The following GK5 variants were observed in gnomAD, a reference collection of about 807,000 sequenced individuals.
GK5 encodes glycerol kinase 5.
In GK5, 39 loss-of-function variants were observed where a neutral mutation model predicts 77.3. The ratio of observed to expected loss-of-function variants is 0.50; its 90% CI spans 0.39 to 0.66. GK5 has a LOEUF of 0.66. Among genes scored for constraint, GK5 ranks in the 30% least tolerant of loss-of-function variants. The pLI, the probability that GK5 is intolerant of heterozygous loss-of-function variation, is 0.00. For synonymous variants in GK5, 211 were observed against 208.0 expected, an observed-to-expected ratio of 1.01 and a Z score of -0.13; for missense variants, 487 against 633.8, an observed-to-expected ratio of 0.77 and a Z score of 2.49.
intron 6 of GK5, 90 bp from the exon 7 acceptor site, chr3:142,186,603 T>G: frequency 2.3e-6 from 1 of 435,668 alleles, no homozygotes. Flanking sequence ...TTGTCTACCC[T>G]CAAATTCATT....
rs527337279 is a variant in GK5 at position 142,165,539 on chromosome 3, G to A, written c.*83C>T. On this transcript the variant is annotated 3_prime_UTR_variant, in exon 16 of 16. Coordinates refer to ENST00000392993, the MANE Select transcript of GK5 (RefSeq NM_001039547.3). The stretch of plus-strand genomic sequence containing the variant: ...TTAAAATTTTCTCCTCTTAGTCATT[G>A]TCATATGGGTTATCCCTGAGCTTCA... The A allele has an allele frequency of 5.0e-6, 5 of 992,900 alleles. No homozygotes were observed. Among genetic ancestry groups the A allele is most frequent in the Non-Finnish European group, 7.1e-6 (5 of 706,208 alleles). The allele number at this position is 992,900 out of a possible 1,614,324, so 61.5% of individuals were successfully genotyped here.
At chr3:142,184,247 T>G (rs112555793) in intron 9 of GK5, among the ~76,000 whole-genome samples, 1 of 95,062 alleles carries the variant, frequency 1.1e-5, no homozygotes, top group African/African-American at 5.2e-5. Flanking sequence ...GGCGACAGAG[T>G]GAGACTCTGT....
intron 5 of GK5, among the ~76,000 whole-genome samples, chr3:142,189,525 T>C (rs1577124643): frequency 6.6e-6 from 1 of 152,224 alleles, no homozygotes; most frequent in African/African-American, 2.4e-5. Flanking sequence ...AGTTAACCTG[T>C]ATTTCAGTGA....
At position 142,181,551 on chromosome 3, in the gene GK5, T is replaced by C; in HGVS notation, c.958A>G (p.Ile320Val). The C allele has an allele frequency of 6.2e-7, 1 of 1,611,850 alleles. No homozygotes were observed. Among genetic ancestry groups the C allele is most frequent in the Non-Finnish European group, 8.5e-7 (1 of 1,178,338 alleles). The change falls in exon 11 of 16, where the codon ATT becomes GTT. Residue 320 changes from isoleucine (I) to valine (V), a missense_variant. Coordinates refer to ENST00000392993, the MANE Select transcript of GK5 (RefSeq NM_001039547.3). ...QQTTGGFYPL[I>V]GWKIGQEVVC... ...ACTTCTTGCCCAATCTTCCACCCAATTAATGGATAAAAGCCTTGCAAAACA... is the reference window on the plus strand; with the variant it reads ...ACTTCTTGCCCAATCTTCCACCCAACTAATGGATAAAAGCCTTGCAAAACA...
At chr3:142,172,200 CAAG>C (rs1284260051) in intron 13 of GK5, among the ~76,000 whole-genome samples, 150 bp downstream of exon 13, 1 of 151,696 alleles carries the variant, frequency 6.6e-6, no homozygotes, top group Non-Finnish European at 1.5e-5. Context: ...TGGAAATTAG[CAAG>C]AAGAACATAT....
At chr3:142,166,694 C>T (rs552500849) in intron 15 of GK5, among the ~76,000 whole-genome samples, 7 of 152,252 alleles carry the variant, frequency 4.6e-5, no homozygotes, top group African/African-American at 1.7e-4. Flanking sequence ...CCACCACGCC[C>T]GGCTAATTTT....
chr3:142,186,228 G>T lies in GK5; in HGVS notation c.721C>A (p.Pro241Thr). ...SGMITSLISI[P>T]LSLLPPVRDT... Reference sequence around the variant, plus strand: ...CTCACAGGAGGTAGGAGAGAAAGTGGTATCGAAATTAGAGAGGTAATCATC... The same window carrying T: ...CTCACAGGAGGTAGGAGAGAAAGTGTTATCGAAATTAGAGAGGTAATCATC... The change falls in exon 8 of 16, where the codon CCA becomes ACA. Residue 241 changes from proline (P) to threonine (T), a missense_variant. Pro to Thr is a conservative substitution (Grantham distance 38, BLOSUM62 -1). This residue lies in a region of GK5 where 323 missense variants were observed against 437.4 expected (regional missense o/e 0.74). Transcript: ENST00000392993. 1 of 1,605,390 alleles carries T rather than the reference G, an allele frequency of 6.2e-7. No homozygotes were observed. Among genetic ancestry groups the T allele is most frequent in the Non-Finnish European group, 8.5e-7 (1 of 1,172,258 alleles).
intron 1 of GK5, among the ~76,000 whole-genome samples, chr3:142,217,428 A>G (rs1335968930): frequency 1.3e-5 from 2 of 152,204 alleles, no homozygotes; most frequent in Admixed American, 1.3e-4. Flanking sequence ...GGGAGATAGA[A>G]GAAAATTAAT....
At chr3:142,165,864 A>C in intron 15 of GK5, 94 bp from the exon 16 acceptor site, 1 of 726,796 alleles carries the variant, frequency 1.4e-6, no homozygotes, top group Non-Finnish European at 2.1e-6. Context: ...GTAGAAAGGT[A>C]AACAAAAACT....
At chr3:142,182,071 G>C (rs895812275) in intron 10 of GK5, among the ~76,000 whole-genome samples, 3 of 152,112 alleles carry the variant, frequency 2.0e-5, no homozygotes, top group Admixed American at 6.5e-5. Flanking sequence ...CTAGTTAGGG[G>C]AAAAAGAAGA....
intron 4 of GK5, among the ~76,000 whole-genome samples, chr3:142,199,538 T>C (rs2063986870): frequency 6.6e-6 from 1 of 152,158 alleles, no homozygotes; most frequent in African/African-American, 2.4e-5. Context: ...CAACGAAGGA[T>C]GAGCTCTTAT....
intron 1 of GK5, among the ~76,000 whole-genome samples, chr3:142,224,121 C>T (rs1284602992): frequency 3.9e-5 from 6 of 152,144 alleles, no homozygotes; most frequent in African/African-American, 7.2e-5. Context: ...AACACCATAA[C>T]AGGCTGGCTG....
At chr3:142,191,537 A>G (rs1192141218) in intron 5 of GK5, among the ~76,000 whole-genome samples, 2 of 151,908 alleles carry the variant, frequency 1.3e-5, no homozygotes, top group African/African-American at 4.8e-5. Flanking sequence ...CTCTATCTCT[A>G]TTAAAAGTGA....
intron 12 of GK5, among the ~76,000 whole-genome samples, chr3:142,176,658 A>ATTTT (rs1219207632): frequency 1.5e-4 from 16 of 105,186 alleles, no homozygotes; most frequent in South Asian, 3.1e-4. Context: ...GGAGATTTTG[A>ATTTT]TTTTTTTTTT....
intron 3 of GK5, among the ~76,000 whole-genome samples, chr3:142,211,168 T>C (rs1203230656): frequency 1.3e-5 from 2 of 152,176 alleles, no homozygotes; most frequent in Non-Finnish European, 2.9e-5. Flanking sequence ...TTTTGAGACA[T>C]TTATGGTTGG....
intron 1 of GK5, among the ~76,000 whole-genome samples, chr3:142,222,176 G>C (rs376559580): frequency 1.3e-5 from 2 of 152,112 alleles, no homozygotes; most frequent in African/African-American, 2.4e-5. Flanking sequence ...AATAAACCAG[G>C]TACTAAGCAG....
intron 15 of GK5, among the ~76,000 whole-genome samples, chr3:142,167,611 A>T (rs2063487952): frequency 6.6e-6 from 1 of 152,230 alleles, no homozygotes; most frequent in African/African-American, 2.4e-5. Context: ...AATTTATAAA[A>T]TACAGAGGAT....
In GK5 at chr3:142,225,317, CG is replaced by C. The variant is rs1292961734; in HGVS notation, c.138del (p.Ser46ArgfsTer5). Reference protein sequence around the residue: ...YDRAARVCGSSVQKVENLYPQ... With the variant: ...YDRAARVCGSXVQKVENLYPQ... Reference sequence around the variant, plus strand: ...GCCCGCCCCCAAGTCACCTTCTGCACGCTGGAGCCGCAGACCCGCGCCGCCC... The same window carrying C: ...GCCCGCCCCCAAGTCACCTTCTGCACCTGGAGCCGCAGACCCGCGCCGCCC... On this transcript the variant is annotated frameshift_variant, in exon 1 of 16. Coordinates refer to ENST00000392993, the MANE Select transcript of GK5 (RefSeq NM_001039547.3). LOFTEE classifies it high-confidence loss of function. 1.3e-6 allele frequency: 2 copies of C among 1,543,024 alleles called. No individual in the cohort carries two copies. Among genetic ancestry groups the C allele is most frequent in the Non-Finnish European group, 1.7e-6 (2 of 1,145,116 alleles).
chr3:142,217,237 TA>T (rs1201669629), intron 1 of GK5, among the ~76,000 whole-genome samples: 1 of 152,226 alleles, frequency 6.6e-6, no homozygotes, highest in African/African-American at 2.4e-5. Context: ...AGTAATCATT[TA>T]ACTACGTATG....
Sources: gnomAD v4.1 joint callset for allele counts (sites outside exome capture counted in the v4.1 genomes callset) on GRCh38, gnomAD v4.1.1 for gene constraint, gnomAD v4.1.1 regional missense constraint, MANE v1.5 for transcripts, NCBI Gene and HGNC (gene_info 2026-07-23, HGNC 2026-07-21) for gene names.